Variants in TXNL4A observed in about 807,000 individuals in gnomAD.
The protein encoded by TXNL4A is thioredoxin-like protein 4A.
A neutral mutation model predicts 14.6 loss-of-function variants in TXNL4A; 17 were observed. That is an observed-to-expected ratio of 1.16 (90% confidence interval 0.80 to 1.74). The LOEUF is 1.74. TXNL4A is among the 40% of genes most tolerant of loss of function. The pLI is 0.00. For missense variants in TXNL4A, 74 were observed against 195.2 expected (o/e 0.38, Z 3.70); for synonymous variants, 83 against 70.6 (o/e 1.18, Z -0.88).
intron 1 of TXNL4A, among the ~76,000 whole-genome samples, chr18:80,031,105 G>A (rs2145133690): frequency 6.6e-6 from 1 of 152,282 alleles, no homozygotes; most frequent in Non-Finnish European, 1.5e-5. Flanking sequence ...CCCAAACAAT[G>A]GCCCGTTTTC....
intron 1 of TXNL4A, among the ~76,000 whole-genome samples, chr18:80,024,584 C>G (rs2051871908): frequency 6.6e-6 from 1 of 152,184 alleles, no homozygotes; most frequent in Non-Finnish European, 1.5e-5. Flanking sequence ...AGAAATAGAG[C>G]ACCTTGCTTC....
chr18:79,983,565 T>C (rs888014055), intron 1 of TXNL4A, among the ~76,000 whole-genome samples: 1 of 152,114 alleles, frequency 6.6e-6, no homozygotes, highest in African/African-American at 2.4e-5. Context: ...CACCTAAAAT[T>C]CCGGAAAAAG....
intron 1 of TXNL4A, among the ~76,000 whole-genome samples, chr18:80,009,517 G>A (rs1235554951): frequency 1.3e-5 from 2 of 152,120 alleles, no homozygotes; most frequent in Non-Finnish European, 2.9e-5. Flanking sequence ...AAGTTTATAC[G>A]GGTCTGCAGC....
At chr18:79,995,820 C>T (rs1309378951) in intron 1 of TXNL4A, among the ~76,000 whole-genome samples, 21 of 152,062 alleles carry the variant, frequency 1.4e-4, no homozygotes, top group Admixed American at 1.2e-3. Context: ...ACCAGGACAA[C>T]GGCCGGGCGC....
At chr18:80,019,318 G>C (rs1043328909) in intron 1 of TXNL4A, among the ~76,000 whole-genome samples, 1 of 152,150 alleles carries the variant, frequency 6.6e-6, no homozygotes, top group African/African-American at 2.4e-5. Context: ...TTACATGGTG[G>C]CAGCAAGAGA....
At chr18:79,984,474 T>C (rs1025525489) in intron 1 of TXNL4A, among the ~76,000 whole-genome samples, 1 of 152,146 alleles carries the variant, frequency 6.6e-6, no homozygotes, top group African/African-American at 2.4e-5. Context: ...TGCAGGCCTG[T>C]AGTCCCAGCT....
intron 1 of TXNL4A, among the ~76,000 whole-genome samples, chr18:80,002,161 CT>C (rs2051702323): frequency 1.3e-5 from 2 of 152,298 alleles, no homozygotes; most frequent in South Asian, 4.1e-4. Context: ...TTTCATGTGG[CT>C]CTCATTCTCT....
chr18:80,003,496 C>T (rs1374029949), intron 1 of TXNL4A, among the ~76,000 whole-genome samples: 2 of 152,226 alleles, frequency 1.3e-5, no homozygotes, highest in Non-Finnish European at 2.9e-5. Context: ...TTTCCTTCCA[C>T]AGCTTCTTTC....
At chr18:79,997,325 A>AG (rs2051669564) in intron 1 of TXNL4A, among the ~76,000 whole-genome samples, 1 of 151,978 alleles carries the variant, frequency 6.6e-6, no homozygotes, top group Admixed American at 6.6e-5. Flanking sequence ...TTAACTGAAA[A>AG]GGGGGCTCAA....
intron 1 of TXNL4A, among the ~76,000 whole-genome samples, chr18:80,022,349 C>T (rs1457695986): frequency 3.3e-5 from 5 of 152,178 alleles, no homozygotes; most frequent in Admixed American, 3.3e-4. Flanking sequence ...TGCAGGCTTG[C>T]CTGACGTGGC....
At chr18:80,007,066 G>A (rs535562092) in intron 1 of TXNL4A, among the ~76,000 whole-genome samples, 1 of 152,108 alleles carries the variant, frequency 6.6e-6, no homozygotes, top group South Asian at 2.1e-4. Flanking sequence ...ACCTATGCAG[G>A]CTTCCAGCTG....
At chr18:80,028,709 T>A (rs1344896840) in intron 1 of TXNL4A, among the ~76,000 whole-genome samples, 3 of 152,178 alleles carry the variant, frequency 2.0e-5, no homozygotes, top group Admixed American at 6.5e-5. Flanking sequence ...CCCTGACCCG[T>A]GGTTGTCAAT....
At chr18:80,029,596 T>C (rs2051908252) in intron 1 of TXNL4A, among the ~76,000 whole-genome samples, 1 of 152,234 alleles carries the variant, frequency 6.6e-6, no homozygotes, top group African/African-American at 2.4e-5. Flanking sequence ...TTTGTAAAAC[T>C]TGGCTCATAT....
intron 1 of TXNL4A, among the ~76,000 whole-genome samples, chr18:80,032,635 T>C (rs2051929965): frequency 6.6e-6 from 1 of 152,004 alleles, no homozygotes; most frequent in South Asian, 2.1e-4. Context: ...AGGTCAGGAG[T>C]TTGAGACCAG....
chr18:80,013,985 A>G lies in TXNL4A; in HGVS notation c.-61+19866T>C, dbSNP rs8097837. On this transcript the variant is annotated intron_variant, in intron 1 of 2. Transcript: ENST00000585474. ...GACAAAATGAGGAAGAAACAAAAGC[A>G]GAAGGCCCTGATAAACCCATCAGCT... is the stretch of plus-strand genomic sequence containing the variant. 3.2e-3 allele frequency among the ~76,000 whole-genome samples: 483 copies of G among 152,344 alleles called. 7 individuals carry two copies. Among genetic ancestry groups the G allele is most frequent in the African/African-American group, 9.9e-3 (411 of 41,572 alleles).
intron 1 of TXNL4A, among the ~76,000 whole-genome samples, chr18:80,016,853 T>C (rs2051814630): frequency 6.6e-6 from 1 of 150,486 alleles, no homozygotes; most frequent in Admixed American, 6.6e-5. Context: ...CGGGCTCTTT[T>C]TTGGTTCCAT....
At chr18:80,002,471 T>C (rs545430106) in intron 1 of TXNL4A, among the ~76,000 whole-genome samples, 2 of 152,240 alleles carry the variant, frequency 1.3e-5, no homozygotes, top group East Asian at 3.9e-4. Context: ...AAGAGTTGCT[T>C]ATAGAGTCCA....
At chr18:80,022,976 G>T (rs2051859796) in intron 1 of TXNL4A, among the ~76,000 whole-genome samples, 1 of 152,198 alleles carries the variant, frequency 6.6e-6, no homozygotes, top group African/African-American at 2.4e-5. Context: ...AGGCCTGGGA[G>T]AGATTATGTA....
intron 1 of TXNL4A, among the ~76,000 whole-genome samples, chr18:80,005,393 GCTGT>G (rs1487276809): frequency 1.3e-5 from 2 of 152,176 alleles, no homozygotes; most frequent in Non-Finnish European, 2.9e-5. Context: ...AATTGCTTAT[GCTGT>G]CTTTCTTAGG....
Sources: allele counts gnomAD v4.1 joint callset (sites outside exome capture counted in the v4.1 genomes callset), GRCh38; gene constraint gnomAD v4.1.1; transcripts MANE v1.5; gene names NCBI Gene and HGNC (gene_info 2026-07-23, HGNC 2026-07-21).